The following MEGF11 variants were observed in gnomAD, a reference collection of about 807,000 sequenced individuals.
MEGF11 encodes the protein multiple EGF like domains 11.
Under a neutral mutation model 146.6 loss-of-function variants are expected in MEGF11, and 126 were observed. That is an observed-to-expected ratio of 0.86 (90% confidence interval 0.74 to 1.00). MEGF11 has a LOEUF of 1.00. Ranked by LOEUF, MEGF11 falls within the 50% of genes least tolerant of loss-of-function variation. The pLI, the probability that MEGF11 is intolerant of heterozygous loss-of-function variation, is 0.00. For synonymous variants in MEGF11, 532 were observed against 583.4 expected (o/e 0.91, Z 1.27); for missense variants, 1,509 against 1,521.2 (o/e 0.99, Z 0.13).
chr15:65,988,008 C>CT (rs35039801), intron 5 of MEGF11, among the ~76,000 whole-genome samples: 13,669 of 93,510 alleles, frequency 0.15, 1,575 homozygotes, highest in East Asian at 0.61. Context: ...AGTACCCGGT[C>CT]TTTTTTTTTT....
At chr15:66,159,764 G>C (rs1157932755) in intron 1 of MEGF11, among the ~76,000 whole-genome samples, 1 of 152,130 alleles carries the variant, frequency 6.6e-6, no homozygotes, top group Non-Finnish European at 1.5e-5. Flanking sequence ...ATGCTGAGGA[G>C]CTGGGAGAGA....
intron 1 of MEGF11, among the ~76,000 whole-genome samples, chr15:66,142,437 CGAGG>C (rs988842655): frequency 1.3e-5 from 2 of 152,186 alleles, no homozygotes; most frequent in African/African-American, 4.8e-5. Context: ...AAAATCACCC[CGAGG>C]GAGGAAGGCA....
In MEGF11 at chr15:66,124,017, A is replaced by G; in HGVS notation, c.99-17T>C. The stretch of plus-strand genomic sequence containing the variant: ...ACAGCATAGCTGAGAACCAGATGGG[A>G]GATAGGAGCCATGATTAGCACTTGG... On this transcript the variant is annotated splice_polypyrimidine_tract_variant and intron_variant, in intron 2 of 25. Coordinates refer to ENST00000395614, the MANE Select transcript of MEGF11 (RefSeq NM_001385028.1). The G allele has an allele frequency of 6.3e-7, 1 of 1,597,118 alleles. No homozygotes were observed. Among genetic ancestry groups the G allele is most frequent in the Non-Finnish European group, 8.6e-7 (1 of 1,164,596 alleles).
chr15:65,921,246 T>C (rs1255649044), intron 15 of MEGF11, among the ~76,000 whole-genome samples: 1 of 152,196 alleles, frequency 6.6e-6, no homozygotes, highest in Admixed American at 6.5e-5. Context: ...ATTTCTTGCA[T>C]AGATGACCTT....
At position 65,929,705 on chromosome 15, in the gene MEGF11, C is replaced by T; in HGVS notation, c.1572+15G>A. On this transcript the variant is annotated intron_variant, in intron 12 of 25. Coordinates refer to ENST00000395614, the MANE Select transcript of MEGF11 (RefSeq NM_001385028.1). ...ATGCGGAGCCCAACCTGTCCCTCCC[C>T]ACCCTGGCACTCACCGGGCAAGGCA... 1 of 1,546,596 alleles carries T rather than the reference C, an allele frequency of 6.5e-7. No homozygotes were observed. Among genetic ancestry groups the T allele is most frequent in the Non-Finnish European group, 8.7e-7 (1 of 1,143,498 alleles).
chr15:65,958,666 T>C (rs1178960532), intron 9 of MEGF11, among the ~76,000 whole-genome samples: 2 of 152,226 alleles, frequency 1.3e-5, no homozygotes, highest in African/African-American at 4.8e-5. Context: ...TGGCAAACTT[T>C]CTTAGAACCG....
At chr15:66,084,111 G>A (rs889178568) in intron 5 of MEGF11, among the ~76,000 whole-genome samples, 3 of 152,064 alleles carry the variant, frequency 2.0e-5, no homozygotes, top group African/African-American at 4.8e-5. Flanking sequence ...AACCTAGATG[G>A]TATAGCCTAC....
Position 65,987,304 on chromosome 15 carries a change from G to A in MEGF11, c.395-4816C>T, listed in dbSNP as rs534635667. Reference sequence around the variant, plus strand: ...ACACGGTATGCTGGCAGCCAGCCTGGGCTTAAACAGCCACCCTTGAAAATC... The same window carrying A: ...ACACGGTATGCTGGCAGCCAGCCTGAGCTTAAACAGCCACCCTTGAAAATC... On this transcript the variant is annotated intron_variant, in intron 5 of 25. Coordinates refer to ENST00000395614, the MANE Select transcript of MEGF11 (RefSeq NM_001385028.1). Among the ~76,000 whole-genome samples, 20 of 152,066 alleles carry A rather than the reference G, an allele frequency of 1.3e-4. No individual in the cohort carries two copies. The South Asian group carries it at 4.1e-3, about 32-fold the overall frequency.
chr15:66,102,998 A>G (rs1053712018), intron 4 of MEGF11, among the ~76,000 whole-genome samples: 1 of 152,242 alleles, frequency 6.6e-6, no homozygotes, highest in African/African-American at 2.4e-5. Flanking sequence ...CACAAGTGGA[A>G]AGCACTGTTA....
At chr15:66,109,685 C>T (rs1353700619) in intron 4 of MEGF11, among the ~76,000 whole-genome samples, 1 of 152,168 alleles carries the variant, frequency 6.6e-6, no homozygotes. Context: ...TACCCACTGC[C>T]CATCTCTTGT....
intron 1 of MEGF11, among the ~76,000 whole-genome samples, chr15:66,134,055 G>A (rs1200959447): frequency 6.6e-6 from 1 of 152,168 alleles, no homozygotes; most frequent in Non-Finnish European, 1.5e-5. Flanking sequence ...ATGGTACCAT[G>A]AGGGTTGCAG....
chr15:65,914,693 C>G (rs1210833651), intron 19 of MEGF11, among the ~76,000 whole-genome samples: 2 of 152,174 alleles, frequency 1.3e-5, no homozygotes, highest in Non-Finnish European at 2.9e-5. Context: ...TGGCCAACAT[C>G]ACTAGGGAGG....
At chr15:66,207,845 G>A (rs1441761091) in intron 1 of MEGF11, among the ~76,000 whole-genome samples, 1 of 152,200 alleles carries the variant, frequency 6.6e-6, no homozygotes, top group East Asian at 1.9e-4. Context: ...CACTTTGGGA[G>A]GCCAAGGCGG....
At chr15:66,048,868 A>T (rs2084335467) in intron 5 of MEGF11, among the ~76,000 whole-genome samples, 1 of 152,202 alleles carries the variant, frequency 6.6e-6, no homozygotes, top group Non-Finnish European at 1.5e-5. Context: ...CTCCACAGGC[A>T]TTACCCCCTC....
rs565739499 is a variant in MEGF11 at position 66,033,850 on chromosome 15, G to A, written c.395-51362C>T. Among the ~76,000 whole-genome samples, 16 of 152,300 alleles carry A rather than the reference G, an allele frequency of 1.1e-4. No homozygotes were observed. The East Asian group carries it at 2.5e-3, about 24-fold the overall frequency. On this transcript the variant is annotated intron_variant, in intron 5 of 25. Coordinates refer to ENST00000395614, the MANE Select transcript of MEGF11 (RefSeq NM_001385028.1). Reference sequence around the variant, plus strand: ...CCTGTTGCCCAGACTAGAGTGCAGCGCCATGATCTTGGCTTACTGCAACTT... The same window carrying A: ...CCTGTTGCCCAGACTAGAGTGCAGCACCATGATCTTGGCTTACTGCAACTT...
At chr15:66,119,019 C>A in intron 4 of MEGF11, 67 bp downstream of exon 4, 1 of 1,062,784 alleles carries the variant, frequency 9.4e-7, no homozygotes, top group Non-Finnish European at 1.4e-6. Flanking sequence ...CACCTCCCCT[C>A]CCCTCCCCTC....
chr15:66,195,571 C>T (rs532145867), intron 1 of MEGF11, among the ~76,000 whole-genome samples: 1 of 152,210 alleles, frequency 6.6e-6, no homozygotes, highest in Non-Finnish European at 1.5e-5. Context: ...AGAGCAAATA[C>T]AGCTATAGGC....
chr15:66,123,891 G>T lies in MEGF11; in HGVS notation c.200+8C>A. 1 of 1,608,754 alleles carries T rather than the reference G, an allele frequency of 6.2e-7. No individual in the cohort carries two copies. Among genetic ancestry groups the T allele is most frequent in the Non-Finnish European group, 8.5e-7 (1 of 1,175,112 alleles). On this transcript the variant is annotated splice_region_variant and intron_variant, in intron 3 of 25. Transcript: ENST00000395614. The stretch of plus-strand genomic sequence containing the variant: ...TTCCCTGCCCCATCATCTGAGAGAG[G>T]TACTCACCGGTGCCTGGTGCACTTG...
intron 1 of MEGF11, among the ~76,000 whole-genome samples, chr15:66,203,051 C>G (rs528484181): frequency 1.3e-5 from 2 of 152,286 alleles, no homozygotes; most frequent in Non-Finnish European, 2.9e-5. Context: ...CTCAGTTCAC[C>G]GTCCGAGGAG....
Sources: allele counts gnomAD v4.1 joint callset (sites outside exome capture counted in the v4.1 genomes callset), GRCh38; gene constraint gnomAD v4.1.1; transcripts MANE v1.5; gene names NCBI Gene and HGNC (gene_info 2026-07-23, HGNC 2026-07-21).